UNC5C: variants seen among roughly 807,000 people sequenced by gnomAD.
UNC5C encodes the protein unc-5 netrin receptor C.
UNC5C carries 47 observed loss-of-function variants against 99.8 expected under a neutral mutation model. The observed-to-expected ratio is 0.47, with a 90% CI of 0.37 to 0.60. The LOEUF is 0.60. Among genes scored for constraint, UNC5C ranks in the 20% least tolerant of loss-of-function variants. The probability of loss-of-function intolerance (pLI) is 0.00; values close to 1 mark genes in which losing one functional copy is unlikely to be tolerated. For synonymous variants in UNC5C, 487 were observed against 452.2 expected, an observed-to-expected ratio of 1.08 and a Z score of -0.98; for missense variants, 1,062 against 1,165.9, an observed-to-expected ratio of 0.91 and a Z score of 1.30.
chr4:95,174,866 G>A (rs1323419401), intron 14 of UNC5C, among the ~76,000 whole-genome samples: 2 of 149,814 alleles, frequency 1.3e-5, no homozygotes, highest in Non-Finnish European at 1.5e-5. Context: ...CATTATTAAT[G>A]TGTGGGAGTC....
chr4:95,231,907 T>C (rs949678300), intron 7 of UNC5C, among the ~76,000 whole-genome samples: 1 of 152,160 alleles, frequency 6.6e-6, no homozygotes, highest in Non-Finnish European at 1.5e-5. Flanking sequence ...AAAAAGAACA[T>C]TTGCTTATCA....
chr4:95,482,939 G>A (rs1182043758), intron 1 of UNC5C, among the ~76,000 whole-genome samples: 2 of 139,914 alleles, frequency 1.4e-5, no homozygotes, highest in Non-Finnish European at 3.1e-5. Flanking sequence ...CAGCACACCA[G>A]CATGGCACAT....
At chr4:95,189,292 A>G (rs1474747760) in intron 12 of UNC5C, among the ~76,000 whole-genome samples, 1 of 152,104 alleles carries the variant, frequency 6.6e-6, no homozygotes, top group African/African-American at 2.4e-5. Flanking sequence ...CTTTTATTCA[A>G]AATATTTTTA....
At chr4:95,194,531 C>T (rs1378378178) in intron 12 of UNC5C, among the ~76,000 whole-genome samples, 1 of 152,132 alleles carries the variant, frequency 6.6e-6, no homozygotes, top group Non-Finnish European at 1.5e-5. Flanking sequence ...GTCTTCTCCA[C>T]CTTCCAGAGG....
Position 95,197,663 on chromosome 4 carries a change from G to A in UNC5C, c.2136+5068C>T, listed in dbSNP as rs138511411. Reference sequence around the variant, plus strand: ...GCAGAAGATACATGGAAGAACTGCCGTGGGAATCGGGTAAGTCAAGAAGAG... The same window carrying A: ...GCAGAAGATACATGGAAGAACTGCCATGGGAATCGGGTAAGTCAAGAAGAG... On this transcript the variant is annotated intron_variant, in intron 12 of 15. Coordinates refer to ENST00000453304, the MANE Select transcript of UNC5C (RefSeq NM_003728.4). Among the ~76,000 whole-genome samples, 62 of 152,232 alleles carry A rather than the reference G, an allele frequency of 4.1e-4. No homozygotes were observed. In the East Asian group the frequency reaches 9.7e-3, roughly 24 times the overall value.
Position 95,335,485 on chromosome 4 carries a change from T to A in UNC5C, c.271A>T (p.Ile91Phe). 1 of 1,612,492 alleles carries A rather than the reference T, an allele frequency of 6.2e-7. No individual in the cohort carries two copies. Among genetic ancestry groups the A allele is most frequent in the South Asian group, 1.1e-5 (1 of 91,022 alleles). Residue 91 changes from isoleucine (I) to phenylalanine (F), a missense_variant, in exon 2 of 16, where the codon ATC (isoleucine) becomes TTC (phenylalanine). Physicochemically the swap from Ile to Phe is conservative, Grantham distance 21. This residue lies in a region of UNC5C where 249 missense variants were observed against 295.1 expected (regional missense o/e 0.84). Coordinates refer to ENST00000453304, the MANE Select transcript of UNC5C (RefSeq NM_003728.4). ...CATTCACTATTACACTTGAAATAGA[T>A]CTGGGTGGCAGGGCTTGCTTTACAG... Reference protein sequence around the residue: ...LYCKASPATQIYFKCNSEWVH... With the variant: ...LYCKASPATQFYFKCNSEWVH...
At chr4:95,336,691 G>T (rs534134522) in intron 1 of UNC5C, among the ~76,000 whole-genome samples, 24 of 151,748 alleles carry the variant, frequency 1.6e-4, no homozygotes, top group Non-Finnish European at 2.9e-4. Flanking sequence ...AATGATGTCC[G>T]GTCTCTGCTA....
At chr4:95,449,325 C>A (rs904677639) in intron 1 of UNC5C, among the ~76,000 whole-genome samples, 2 of 152,144 alleles carry the variant, frequency 1.3e-5, no homozygotes, top group Non-Finnish European at 2.9e-5. Context: ...AAATTCCAGG[C>A]CTTTCATGAA....
chr4:95,530,779 T>A (rs1412998571), intron 1 of UNC5C, among the ~76,000 whole-genome samples: 1 of 152,130 alleles, frequency 6.6e-6, no homozygotes, highest in Non-Finnish European at 1.5e-5. Context: ...AAAGGACTTT[T>A]CAGAAAAAAA....
intron 1 of UNC5C, among the ~76,000 whole-genome samples, chr4:95,337,366 T>C (rs1579336811): frequency 6.6e-6 from 1 of 152,074 alleles, no homozygotes; most frequent in Admixed American, 6.6e-5. Flanking sequence ...GATTGCAAGA[T>C]ACAGATGATT....
intron 1 of UNC5C, among the ~76,000 whole-genome samples, chr4:95,540,296 T>C (rs903570077): frequency 6.6e-6 from 1 of 152,198 alleles, no homozygotes; most frequent in African/African-American, 2.4e-5. Flanking sequence ...TTGAATAATA[T>C]TATGATGAAA....
At chr4:95,467,281 C>T (rs756860539) in intron 1 of UNC5C, among the ~76,000 whole-genome samples, 8 of 151,994 alleles carry the variant, frequency 5.3e-5, no homozygotes, top group Admixed American at 1.3e-4. Context: ...TAATTTGTTA[C>T]GCAGCAATAG....
At chr4:95,248,834 T>C (rs1275053803) in intron 5 of UNC5C, among the ~76,000 whole-genome samples, 1 of 152,196 alleles carries the variant, frequency 6.6e-6, no homozygotes, top group Non-Finnish European at 1.5e-5. Context: ...ACTTTACTTT[T>C]TCTACAAATG....
chr4:95,275,423 C>G (rs1579288423), intron 4 of UNC5C, among the ~76,000 whole-genome samples: 1 of 152,302 alleles, frequency 6.6e-6, no homozygotes, highest in South Asian at 2.1e-4. Flanking sequence ...ATTTAAACCT[C>G]ACAACCACAT....
chr4:95,387,606 G>A (rs868296670), intron 1 of UNC5C, among the ~76,000 whole-genome samples: 2 of 152,066 alleles, frequency 1.3e-5, no homozygotes, highest in Non-Finnish European at 2.9e-5. Context: ...CAATACTAAA[G>A]GTTTTTAAAA....
chr4:95,201,510 G>A (rs1338594707), intron 12 of UNC5C, among the ~76,000 whole-genome samples: 2 of 151,914 alleles, frequency 1.3e-5, no homozygotes, highest in Admixed American at 6.6e-5. Context: ...CTCAAGAACT[G>A]AATCTCAGCT....
rs374371847 is a variant in UNC5C at position 95,250,460 on chromosome 4, A to G, written c.775+27T>C. 9 of 1,604,762 alleles carry G rather than the reference A, an allele frequency of 5.6e-6. No individual in the cohort carries two copies. The African/African-American group carries it at 8.1e-5, about 14-fold the overall frequency. ...GAGAAACTGCAGTTAAACATGAACTAGATTGAGACCCTGAAGGGCCACTCA... is the reference window on the plus strand; with the variant it reads ...GAGAAACTGCAGTTAAACATGAACTGGATTGAGACCCTGAAGGGCCACTCA... On this transcript the variant is annotated intron_variant, in intron 5 of 15. Coordinates refer to ENST00000453304, the MANE Select transcript of UNC5C (RefSeq NM_003728.4).
At chr4:95,250,405 A>T in intron 5 of UNC5C, 82 bp downstream of exon 5, 1 of 1,435,686 alleles carries the variant, frequency 7.0e-7, no homozygotes, top group Non-Finnish European at 9.5e-7. Context: ...AAATTTTAAA[A>T]AAAGGGCTTC....
chr4:95,185,324 C>T lies in UNC5C; in HGVS notation c.2137-128G>A, dbSNP rs1161427474. On this transcript the variant is annotated intron_variant, in intron 12 of 15. Transcript: ENST00000453304. Reference sequence around the variant, plus strand: ...GGAACTTGTGCAACACCTTGAACACCCACTTTTGCAGCCTCGAGACCCTCT... The same window carrying T: ...GGAACTTGTGCAACACCTTGAACACTCACTTTTGCAGCCTCGAGACCCTCT... 2.7e-5 allele frequency: 31 copies of T among 1,161,048 alleles called. No individual in the cohort carries two copies. In the East Asian group the frequency reaches 7.2e-4, roughly 27 times the overall value. 71.9% of individuals were successfully genotyped at this position (1,161,048 alleles called of 1,614,324 possible).
Sources: allele counts gnomAD v4.1 joint callset (sites outside exome capture counted in the v4.1 genomes callset), GRCh38; gene constraint gnomAD v4.1.1; regional missense constraint gnomAD v4.1.1; transcripts MANE v1.5; gene names NCBI Gene and HGNC (gene_info 2026-07-23, HGNC 2026-07-21).